KCNQ4: variants seen among roughly 807,000 people sequenced by gnomAD.
KCNQ4 encodes the protein potassium voltage-gated channel subfamily KQT member 4.
A neutral mutation model predicts 72.6 loss-of-function variants in KCNQ4; 31 were observed. That is an observed-to-expected ratio of 0.43 (90% CI 0.32 to 0.58). KCNQ4 has a LOEUF of 0.58. Ranked by LOEUF, KCNQ4 falls within the 20% of genes least tolerant of loss-of-function variation. KCNQ4 has a pLI of 0.08. For synonymous variants in KCNQ4, 405 were observed against 403.7 expected (o/e 1.00, Z -0.04); for missense variants, 869 against 962.6 (o/e 0.90, Z 1.29).
chr1:40,822,227 A>G (rs1648318847), intron 7 of KCNQ4, 87 bp from the exon 8 acceptor site: 3 of 1,144,196 alleles, frequency 2.6e-6, no homozygotes, highest in Non-Finnish European at 3.9e-6. Context: ...CAACTGGACC[A>G]AGGACTGGGT....
intron 12 of KCNQ4, among the ~76,000 whole-genome samples, chr1:40,837,147 G>A (rs892703062): frequency 6.6e-6 from 1 of 150,664 alleles, no homozygotes; most frequent in African/African-American, 2.5e-5. Context: ...GAGTGCAGTG[G>A]TGCAATCACA....
At chr1:40,825,204 C>G (rs1648440149) in intron 9 of KCNQ4, among the ~76,000 whole-genome samples, 1 of 152,196 alleles carries the variant, frequency 6.6e-6, no homozygotes, top group South Asian at 2.1e-4. Flanking sequence ...CACCCCTGAA[C>G]CAGCCAAATG....
chr1:40,826,699 C>T (rs1165489952), intron 9 of KCNQ4: 1 of 455,332 alleles, frequency 2.2e-6, no homozygotes, highest in South Asian at 1.5e-5. Context: ...ACCGAGGTAC[C>T]CCCTCGCCTG....
At chr1:40,822,794 G>T (rs1648344244) in intron 8 of KCNQ4, among the ~76,000 whole-genome samples, 1 of 152,206 alleles carries the variant, frequency 6.6e-6, no homozygotes, top group Admixed American at 6.5e-5. Flanking sequence ...TGTGGGATGG[G>T]CAGAAACATG....
chr1:40,807,874 G>A (rs1393626043), intron 1 of KCNQ4, among the ~76,000 whole-genome samples: 3 of 152,124 alleles, frequency 2.0e-5, no homozygotes, highest in Admixed American at 6.6e-5. Context: ...AGAGTCACGC[G>A]CTCCCCAGGC....
At chr1:40,837,844 G>A (rs371897574) in intron 13 of KCNQ4, 50 bp downstream of exon 13, 61 of 1,575,834 alleles carry the variant, frequency 3.9e-5, no homozygotes, top group Non-Finnish European at 4.5e-5. Context: ...AAGCTCTGGG[G>A]GCCGCGGTGA....
intron 1 of KCNQ4, among the ~76,000 whole-genome samples, chr1:40,796,931 TAAATAAA>T (rs1303704489): frequency 6.6e-6 from 1 of 151,430 alleles, no homozygotes; most frequent in African/African-American, 2.4e-5. Context: ...AATAAATAAA[TAAATAAA>T]TAAATAAATA....
At chr1:40,804,056 T>C (rs1266991806) in intron 1 of KCNQ4, among the ~76,000 whole-genome samples, 2 of 152,192 alleles carry the variant, frequency 1.3e-5, no homozygotes, top group Admixed American at 1.3e-4. Context: ...TCTTGGACTC[T>C]TCCCTCCCTC....
Position 40,838,838 on chromosome 1 carries a change from G to A in KCNQ4, c.*315G>A. The A allele has an allele frequency of 6.4e-6, 3 of 472,326 alleles. No homozygotes were observed. Among genetic ancestry groups the A allele is most frequent in the East Asian group, 3.9e-5 (1 of 25,450 alleles). 29.3% of individuals were successfully genotyped at this position (472,326 alleles called of 1,614,324 possible). On this transcript the variant is annotated 3_prime_UTR_variant, in exon 14 of 14. Transcript: ENST00000347132. ...GCCCACCTGGCAGGGGCACAGCCCC[G>A]GGAGTGGGAGCGGGCGCTGGGGCCC...
In KCNQ4 at chr1:40,797,914, G is replaced by A. The variant is rs149072102; in HGVS notation, c.314+13507G>A. Among the ~76,000 whole-genome samples, 561 of 152,234 alleles carry A rather than the reference G, an allele frequency of 3.7e-3. 1 individual carries two copies. The highest frequency in any genetic ancestry group is 0.012 in the African/African-American group (512 of 41,528). On this transcript the variant is annotated intron_variant, in intron 1 of 13. Transcript: ENST00000347132. ...GGAAGCAGAGAGGGTGGGTGCAGGCGCCGAGGCTGTCTGGAAAGGGAGTCT... is the reference window on the plus strand; with the variant it reads ...GGAAGCAGAGAGGGTGGGTGCAGGCACCGAGGCTGTCTGGAAAGGGAGTCT...
Position 40,839,000 on chromosome 1 carries a change from A to C in KCNQ4, c.*477A>C. ...GTGCCCCCACAGGTACCCACAAAGC[A>C]CAGGACCCTGCCACAAGGCAGGTGG... On this transcript the variant is annotated 3_prime_UTR_variant, in exon 14 of 14. Coordinates refer to ENST00000347132, the MANE Select transcript of KCNQ4 (RefSeq NM_004700.4). 4.3e-6 allele frequency: 1 copy of C among 230,654 alleles called. No homozygotes were observed. Among genetic ancestry groups the C allele is most frequent in the Non-Finnish European group, 8.7e-6 (1 of 114,286 alleles). The allele number at this position is 230,654 out of a possible 1,614,324, so 14.3% of individuals were successfully genotyped here.
intron 7 of KCNQ4, among the ~76,000 whole-genome samples, chr1:40,820,860 G>A (rs553645683): frequency 6.6e-6 from 1 of 152,310 alleles, no homozygotes; most frequent in South Asian, 2.1e-4. Context: ...GCTGAGGCCA[G>A]GGCTCTGATT....
chr1:40,833,407 TAA>T (rs760155849), intron 11 of KCNQ4, among the ~76,000 whole-genome samples: 1,647 of 145,634 alleles, frequency 0.011, 42 homozygotes, highest in African/African-American at 0.039. Flanking sequence ...TGAAACTGTA[TAA>T]AAAAAAAAAA....
At chr1:40,785,632 G>A (rs1002314457) in intron 1 of KCNQ4, among the ~76,000 whole-genome samples, 1 of 152,056 alleles carries the variant, frequency 6.6e-6, no homozygotes, top group African/African-American at 2.4e-5. Context: ...TCTGTGGCCT[G>A]TGCAGTTATC....
chr1:40,787,308 A>C (rs1351298445), intron 1 of KCNQ4, among the ~76,000 whole-genome samples: 2 of 152,124 alleles, frequency 1.3e-5, no homozygotes, highest in African/African-American at 4.8e-5. Flanking sequence ...ATTCTAGGCT[A>C]TTGTGAACTG....
intron 1 of KCNQ4, among the ~76,000 whole-genome samples, chr1:40,797,192 T>C (rs1410261822): frequency 6.6e-6 from 1 of 152,182 alleles, no homozygotes; most frequent in African/African-American, 2.4e-5. Flanking sequence ...AGTGCCACTG[T>C]CCAGGCAGCA....
chr1:40,806,198 C>T (rs560107462), intron 1 of KCNQ4, among the ~76,000 whole-genome samples: 1 of 152,350 alleles, frequency 6.6e-6, no homozygotes, highest in Non-Finnish European at 1.5e-5. Context: ...CGAATCTGCA[C>T]GGAGCTGCTC....
At chr1:40,795,464 G>A (rs1570803585) in intron 1 of KCNQ4, among the ~76,000 whole-genome samples, 2 of 151,964 alleles carry the variant, frequency 1.3e-5, no homozygotes, top group South Asian at 4.2e-4. Context: ...ATCTTGTTAT[G>A]TTGCCCAGGC....
Position 40,814,211 on chromosome 1 carries a change from G to A in KCNQ4, c.315-3054G>A, listed in dbSNP as rs540012027. On this transcript the variant is annotated intron_variant, in intron 1 of 13. Coordinates refer to ENST00000347132, the MANE Select transcript of KCNQ4 (RefSeq NM_004700.4). ...TGGGATTACAGGCGCCTACCAACAC[G>A]CCTGGCTAACTTTTGTATTTTTAGT... 3.2e-3 allele frequency among the ~76,000 whole-genome samples: 477 copies of A among 151,372 alleles called. 2 individuals carry two copies. Among genetic ancestry groups the A allele is most frequent in the African/African-American group, 0.011 (454 of 41,204 alleles).
Sources: gnomAD v4.1 joint callset for allele counts (sites outside exome capture counted in the v4.1 genomes callset) on GRCh38, gnomAD v4.1.1 for gene constraint, MANE v1.5 for transcripts, NCBI Gene and HGNC (gene_info 2026-07-23, HGNC 2026-07-21) for gene names.